The following THADA variants were observed in gnomAD, a reference collection of about 807,000 sequenced individuals.
THADA encodes the protein THADA armadillo repeat containing, also known as tRNA (32-2'-O)-methyltransferase regulator THADA.
Under a neutral mutation model 219.8 loss-of-function variants are expected in THADA, and 213 were observed. The observed-to-expected ratio is 0.97, with a 90% CI of 0.87 to 1.09. The LOEUF is 1.09. Among genes scored for constraint, THADA ranks in the 50% least tolerant of loss-of-function variants. The probability of loss-of-function intolerance (pLI) is 0.00; values close to 1 mark genes in which losing one functional copy is unlikely to be tolerated. For synonymous variants in THADA, 1,018 were observed against 828.9 expected, an observed-to-expected ratio of 1.23 and a Z score of -3.92; for missense variants, 2,956 against 2,311.3, an observed-to-expected ratio of 1.28 and a Z score of -5.72.
chr2:43,579,148 G>A (rs1470454157), intron 8 of THADA, among the ~76,000 whole-genome samples: 3 of 152,098 alleles, frequency 2.0e-5, no homozygotes, highest in Non-Finnish European at 4.4e-5. Flanking sequence ...AGGCTTTTAA[G>A]CCCAGCATAT....
chr2:43,584,374 C>T (rs1229276102), intron 7 of THADA, among the ~76,000 whole-genome samples: 1 of 151,778 alleles, frequency 6.6e-6, no homozygotes, highest in Admixed American at 6.6e-5. Context: ...TGGCTGACAC[C>T]AAAGTGGACA....
At chr2:43,429,941 G>T (rs1300103352) in intron 27 of THADA, among the ~76,000 whole-genome samples, 1 of 150,144 alleles carries the variant, frequency 6.7e-6, no homozygotes, top group East Asian at 1.9e-4. Context: ...GGCCCAGGTG[G>T]GCAGATTGCT....
intron 30 of THADA, among the ~76,000 whole-genome samples, chr2:43,332,801 T>A (rs935493136): frequency 2.0e-5 from 3 of 152,222 alleles, no homozygotes; most frequent in Non-Finnish European, 4.4e-5. Context: ...GAGCCCTCTA[T>A]TGAACTAACT....
chr2:43,581,715 A>G (rs761376779), intron 8 of THADA, 26 bp downstream of exon 8: 4 of 1,586,750 alleles, frequency 2.5e-6, no homozygotes, highest in Non-Finnish European at 3.4e-6. Context: ...ATTATATATC[A>G]TTTGTATATA....
intron 26 of THADA, among the ~76,000 whole-genome samples, chr2:43,455,539 C>A (rs905184885): frequency 6.6e-6 from 1 of 151,848 alleles, no homozygotes; most frequent in Non-Finnish European, 1.5e-5. Context: ...CACACACACA[C>A]ACAAACACAC....
Position 43,514,630 on chromosome 2 carries a change from GTATA to G in THADA, c.3375-5854_3375-5851del, listed in dbSNP as rs1213490752. Among the ~76,000 whole-genome samples the G allele has an allele frequency of 6.7e-4, 51 of 75,736 alleles. No individual in the cohort carries two copies. In the South Asian group the frequency reaches 0.018, roughly 26 times the overall value. 49.7% of individuals were successfully genotyped at this position (75,736 alleles called of 152,430 possible). A position where few individuals can be genotyped will look rare whatever the true frequency, so the allele number is the denominator to read the frequency against. On this transcript the variant is annotated intron_variant, in intron 22 of 37. Coordinates refer to ENST00000405975, the MANE Select transcript of THADA (RefSeq NM_022065.5). The stretch of plus-strand genomic sequence containing the variant: ...TATATTTTATATATTTTATATATAT[GTATA>G]TTTTATATATAATATATATATTGTA...
intron 26 of THADA, among the ~76,000 whole-genome samples, chr2:43,446,190 G>A (rs757000230): frequency 1.3e-5 from 2 of 152,314 alleles, no homozygotes; most frequent in Admixed American, 1.3e-4. Context: ...TCAATTAACT[G>A]TTATAGTTTA....
intron 10 of THADA, among the ~76,000 whole-genome samples, chr2:43,576,155 A>G (rs1699833675): frequency 6.6e-6 from 1 of 152,226 alleles, no homozygotes; most frequent in African/African-American, 2.4e-5. Flanking sequence ...GTGGTTGTAC[A>G]ACTCTGTGAA....
chr2:43,437,233 T>G (rs966487749), intron 26 of THADA, among the ~76,000 whole-genome samples: 12 of 152,058 alleles, frequency 7.9e-5, no homozygotes, highest in Admixed American at 7.9e-4. Flanking sequence ...AAATGAAAAA[T>G]TTTCTTAGAC....
chr2:43,449,428 C>G (rs1682023077), intron 26 of THADA, among the ~76,000 whole-genome samples: 2 of 152,114 alleles, frequency 1.3e-5, no homozygotes, highest in African/African-American at 4.8e-5. Flanking sequence ...ACCAAAACTT[C>G]CCAAGTTTGA....
chr2:43,504,331 T>C (rs1366188608), intron 24 of THADA, among the ~76,000 whole-genome samples: 1 of 152,204 alleles, frequency 6.6e-6, no homozygotes, highest in East Asian at 1.9e-4. Flanking sequence ...TCCATATGAC[T>C]GTGGAAAAGA....
intron 28 of THADA, among the ~76,000 whole-genome samples, chr2:43,423,073 A>T (rs1677927704): frequency 6.6e-6 from 1 of 152,120 alleles, no homozygotes; most frequent in African/African-American, 2.4e-5. Context: ...ACACATCACA[A>T]ATAAAATTGT....
At position 43,440,839 on chromosome 2, in the gene THADA, C is replaced by A. The variant is rs1373437449; in HGVS notation, c.3837-10537G>T. 2.6e-5 allele frequency among the ~76,000 whole-genome samples: 4 copies of A among 152,144 alleles called. No homozygotes were observed. The South Asian group carries it at 6.2e-4, about 24-fold the overall frequency. On this transcript the variant is annotated intron_variant, in intron 26 of 37. Coordinates refer to ENST00000405975, the MANE Select transcript of THADA (RefSeq NM_022065.5). Reference sequence around the variant, plus strand: ...ATAACTGGCTCTGCTGACCATAATACCACTCTGAGAAAAGGGCAGTGGAGC... The same window carrying A: ...ATAACTGGCTCTGCTGACCATAATAACACTCTGAGAAAAGGGCAGTGGAGC...
intron 31 of THADA, among the ~76,000 whole-genome samples, chr2:43,309,347 C>T (rs774132379): frequency 6.6e-6 from 1 of 151,588 alleles, no homozygotes; most frequent in Admixed American, 6.6e-5. Context: ...GGTTTTTACC[C>T]AAGAGAAATG....
At chr2:43,331,944 C>T (rs960807897) in intron 30 of THADA, among the ~76,000 whole-genome samples, 39 of 152,036 alleles carry the variant, frequency 2.6e-4, no homozygotes, top group East Asian at 7.7e-4. Context: ...CACACACACA[C>T]ACATTAGGTT....
rs530523592 is a variant in THADA, at chr2:43,546,984, T to C, written c.3106+2226A>G. On this transcript the variant is annotated intron_variant, in intron 20 of 37. Transcript: ENST00000405975. ...CCTAGCCTCAATGGTCTTTACAATT[T>C]GGCATGATTTTGCAGTGGCTGGTAC... 2.2e-3 allele frequency among the ~76,000 whole-genome samples: 340 copies of C among 152,308 alleles called. 1 individual carries two copies. Among genetic ancestry groups the C allele is most frequent in the Middle Eastern group, 0.01 (3 of 294 alleles).
chr2:43,263,742 A>ATT (rs1341750029), intron 36 of THADA, among the ~76,000 whole-genome samples: 10 of 152,270 alleles, frequency 6.6e-5, no homozygotes, highest in African/African-American at 2.4e-4. Flanking sequence ...ATACTTATTT[A>ATT]TTTTTAAGTT....
intron 15 of THADA, 84 bp downstream of exon 15, chr2:43,566,614 A>G: frequency 6.9e-7 from 1 of 1,454,876 alleles, no homozygotes. Flanking sequence ...AACAAAACTG[A>G]AACTTCAAAT....
intron 30 of THADA, among the ~76,000 whole-genome samples, chr2:43,334,040 T>G (rs1666100952): frequency 6.6e-6 from 1 of 152,218 alleles, no homozygotes; most frequent in African/African-American, 2.4e-5. Flanking sequence ...CTTCTGCAGT[T>G]AGCCACAGAC....
Sources: gnomAD v4.1 joint callset for allele counts (sites outside exome capture counted in the v4.1 genomes callset) on GRCh38, gnomAD v4.1.1 for gene constraint, MANE v1.5 for transcripts, NCBI Gene and HGNC (gene_info 2026-07-23, HGNC 2026-07-21) for gene names.